Variants in SCML4 observed in about 807,000 individuals in gnomAD.
The protein encoded by SCML4 is Scm polycomb group protein like 4, also known as sex comb on midleg-like protein 4.
SCML4 carries 34 observed loss-of-function variants against 41.1 expected under a neutral mutation model. The observed-to-expected ratio is 0.83, with a 90% CI of 0.63 to 1.10. The LOEUF (loss-of-function observed/expected upper bound fraction) is 1.10. SCML4 is among the 50% of genes least tolerant of loss of function. The pLI, the probability that SCML4 is intolerant of heterozygous loss-of-function variation, is 0.00. For missense variants in SCML4, 522 were observed against 534.1 expected, an observed-to-expected ratio of 0.98 and a Z score of 0.22; for synonymous variants, 214 against 220.9, an observed-to-expected ratio of 0.97 and a Z score of 0.28.
chr6:107,711,636 G>A (rs1242173992), intron 6 of SCML4, among the ~76,000 whole-genome samples: 4 of 152,132 alleles, frequency 2.6e-5, no homozygotes, highest in Non-Finnish European at 5.9e-5. Flanking sequence ...AATGTGAGAT[G>A]AATCAATATA....
At chr6:107,735,798 CAAAA>C (rs10714127) in intron 5 of SCML4, among the ~76,000 whole-genome samples, 3 of 137,940 alleles carry the variant, frequency 2.2e-5, no homozygotes, top group Admixed American at 7.3e-5. Context: ...GACCTTGTCT[CAAAA>C]AAAAAAAAAA....
At chr6:107,796,407 C>T (rs889897635) in intron 1 of SCML4, among the ~76,000 whole-genome samples, 22 of 152,042 alleles carry the variant, frequency 1.4e-4, no homozygotes, top group African/African-American at 4.8e-4. Context: ...ATGCTGAGCC[C>T]GTTTTTATGT....
In SCML4 at chr6:107,754,965, G is replaced by A. The variant is rs117987037; in HGVS notation, c.157-5152C>T. Among the ~76,000 whole-genome samples the A allele has an allele frequency of 5.1e-3, 777 of 152,186 alleles. 11 individuals are homozygous for A. The East Asian group carries it at 0.064, about 12-fold the overall frequency. On this transcript the variant is annotated intron_variant, in intron 2 of 7. Coordinates refer to ENST00000369020, the MANE Select transcript of SCML4 (RefSeq NM_198081.5). The stretch of plus-strand genomic sequence containing the variant: ...TAAAAATTTTAAAAATTAGCCAGGC[G>A]TGGTGGCATATGCCTGTTGTTCCAG...
chr6:107,826,416 A>AT (rs1232872597), upstream of SCML4, among the ~76,000 whole-genome samples: 3 of 152,216 alleles, frequency 2.0e-5, no homozygotes, highest in Admixed American at 6.5e-5. Context: ...GGCCTCACAC[A>AT]TGCCACACTA....
At chr6:107,823,407 G>A (rs1392222982) in intron 1 of SCML4, among the ~76,000 whole-genome samples, 2 of 152,214 alleles carry the variant, frequency 1.3e-5, no homozygotes, top group African/African-American at 2.4e-5. Flanking sequence ...GGAGGAGCAC[G>A]TGGAAGCTGG....
intron 1 of SCML4, among the ~76,000 whole-genome samples, chr6:107,794,654 C>T (rs768945834): frequency 1.3e-5 from 2 of 152,014 alleles, no homozygotes; most frequent in African/African-American, 2.4e-5. Context: ...CCTGAGTGTG[C>T]GAGGCAGATG....
intron 5 of SCML4, among the ~76,000 whole-genome samples, chr6:107,736,533 G>A (rs150989728): frequency 3.1e-4 from 47 of 152,304 alleles, no homozygotes; most frequent in Non-Finnish European, 6.2e-4. Flanking sequence ...CAAGTGACCT[G>A]GGCCCTGTGC....
In SCML4 at chr6:107,759,368, A is replaced by ATACATACATACATACATAC. The variant is rs61536006; in HGVS notation, c.157-9556_157-9555insGTATGTATGTATGTATGTA. 2.3e-3 allele frequency among the ~76,000 whole-genome samples: 344 copies of ATACATACATACATACATAC among 149,112 alleles called. 3 individuals carry two copies. The highest frequency in any genetic ancestry group is 0.01 in the Middle Eastern group (3 of 294). On this transcript the variant is annotated intron_variant, in intron 2 of 7. Transcript: ENST00000369020. ...ACATACATACATACATACATACATA[A>ATACATACATACATACATAC]GGCTGCTGTTAGGCAGAATGGATGG...
chr6:107,768,097 C>CAAAAAAAAA (rs766357180), intron 2 of SCML4, among the ~76,000 whole-genome samples: 1 of 45,660 alleles, frequency 2.2e-5, no homozygotes. Context: ...TTCATCTGTA[C>CAAAAAAAAA]AAAAAAAAAA....
chr6:107,823,685 T>A (rs1397609828), intron 1 of SCML4, among the ~76,000 whole-genome samples: 1 of 152,180 alleles, frequency 6.6e-6, no homozygotes, highest in Non-Finnish European at 1.5e-5. Flanking sequence ...ATAACCAAAT[T>A]TTAGGTAAAT....
chr6:107,815,719 T>G (rs933419489), intron 1 of SCML4, among the ~76,000 whole-genome samples: 2 of 152,270 alleles, frequency 1.3e-5, no homozygotes, highest in African/African-American at 4.8e-5. Flanking sequence ...GTCTCATTCT[T>G]CTTTATATTT....
chr6:107,708,097 G>A, intron 6 of SCML4, 86 bp from the exon 7 acceptor site: 1 of 1,462,254 alleles, frequency 6.8e-7, no homozygotes. Context: ...ACCTAGCCTG[G>A]AAGGGGGATC....
At chr6:107,751,611 T>TC (rs1778657462) in intron 2 of SCML4, among the ~76,000 whole-genome samples, 2 of 146,538 alleles carry the variant, frequency 1.4e-5, no homozygotes, top group Non-Finnish European at 3.0e-5. Flanking sequence ...TCTTTCTTTC[T>TC]TTCTTTCTTT....
chr6:107,752,241 G>A (rs1778756943), intron 2 of SCML4, among the ~76,000 whole-genome samples: 1 of 152,056 alleles, frequency 6.6e-6, no homozygotes, highest in Admixed American at 6.6e-5. Flanking sequence ...GGAGGATAGA[G>A]TGGAGGGGGC....
rs576168760 is a variant in SCML4, at chr6:107,810,964, T to C, written c.-60+13162A>G. 1.1e-3 allele frequency among the ~76,000 whole-genome samples: 170 copies of C among 152,124 alleles called. 1 individual carries two copies. Among genetic ancestry groups the C allele is most frequent in the Non-Finnish European group, 1.7e-3 (119 of 68,032 alleles). On this transcript the variant is annotated intron_variant, in intron 1 of 7. Coordinates refer to ENST00000369020, the MANE Select transcript of SCML4 (RefSeq NM_198081.5). ...CCTGGAGATAGAGCTTTTAAAGAGATACTTAAGCCTAAATGAGGTATTATA... is the reference window on the plus strand; with the variant it reads ...CCTGGAGATAGAGCTTTTAAAGAGACACTTAAGCCTAAATGAGGTATTATA...
chr6:107,757,228 A>G lies in SCML4; in HGVS notation c.157-7415T>C, dbSNP rs148602588. ...TTTAGGGGAGGACCTTGTCTAAGAC[A>G]TTTGCTAGAACATCACTGGAAAGAA... On this transcript the variant is annotated intron_variant, in intron 2 of 7. Transcript: ENST00000369020. Among the ~76,000 whole-genome samples the G allele has an allele frequency of 9.9e-5, 15 of 152,198 alleles. No homozygotes were observed. In the East Asian group the frequency reaches 2.7e-3, roughly 27 times the overall value.
intron 6 of SCML4, among the ~76,000 whole-genome samples, chr6:107,714,287 T>C (rs544832091): frequency 5.3e-5 from 8 of 152,260 alleles, no homozygotes; most frequent in Middle Eastern, 6.8e-3. Flanking sequence ...CAGAAGACAC[T>C]GTGACCTCCT....
intron 1 of SCML4, among the ~76,000 whole-genome samples, chr6:107,817,403 C>T (rs911680177): frequency 3.3e-5 from 5 of 151,980 alleles, no homozygotes; most frequent in Admixed American, 6.6e-5. Flanking sequence ...GATCACCTAA[C>T]GTCAGGAGCT....
chr6:107,759,336 C>CATACATAT (rs1779383577), intron 2 of SCML4, among the ~76,000 whole-genome samples: 2 of 150,236 alleles, frequency 1.3e-5, no homozygotes, highest in Non-Finnish European at 3.0e-5. Context: ...TCTCAAAATA[C>CATACATAT]ATACATACAT....
Sources: allele counts gnomAD v4.1 joint callset (sites outside exome capture counted in the v4.1 genomes callset), GRCh38; gene constraint gnomAD v4.1.1; transcripts MANE v1.5; gene names NCBI Gene and HGNC (gene_info 2026-07-23, HGNC 2026-07-21).